C8A: variants seen among roughly 807,000 people sequenced by gnomAD.
C8A encodes complement component C8 alpha chain.
C8A carries 67 observed loss-of-function variants against 65.3 expected under a neutral mutation model. That is an observed-to-expected ratio of 1.03 (90% CI 0.84 to 1.26). The LOEUF is 1.26. Ranked by LOEUF, C8A falls within the 50% of genes most tolerant of loss-of-function variation. The pLI, the probability that C8A is intolerant of heterozygous loss-of-function variation, is 0.00. For missense variants in C8A, 781 were observed against 723.9 expected, an observed-to-expected ratio of 1.08 and a Z score of -0.90; for synonymous variants, 290 against 259.4, an observed-to-expected ratio of 1.12 and a Z score of -1.13.
At chr1:56,881,052 T>A (rs1017498281) in intron 4 of C8A, among the ~76,000 whole-genome samples, 1 of 152,202 alleles carries the variant, frequency 6.6e-6, no homozygotes, top group African/African-American at 2.4e-5. Context: ...AATAGGACTG[T>A]CTAGATGATC....
At chr1:56,872,162 C>T (rs1382689967) in intron 2 of C8A, among the ~76,000 whole-genome samples, 2 of 152,140 alleles carry the variant, frequency 1.3e-5, no homozygotes, top group African/African-American at 4.8e-5. Context: ...TTTCTTTGGA[C>T]CTTGGATAAA....
At chr1:56,862,481 A>T (rs1644044074) in intron 1 of C8A, among the ~76,000 whole-genome samples, 1 of 152,158 alleles carries the variant, frequency 6.6e-6, no homozygotes, top group Non-Finnish European at 1.5e-5. Flanking sequence ...AATCTCCAAG[A>T]ACAATATGGT....
chr1:56,917,164 A>T (rs1039420672), intron 10 of C8A, among the ~76,000 whole-genome samples: 2 of 152,108 alleles, frequency 1.3e-5, no homozygotes, highest in Non-Finnish European at 2.9e-5. Flanking sequence ...CTCCATCCAG[A>T]GTTTCAAATT....
intron 1 of C8A, among the ~76,000 whole-genome samples, chr1:56,855,662 T>A (rs2101177533): frequency 6.6e-6 from 1 of 151,796 alleles, no homozygotes; most frequent in South Asian, 2.1e-4. Flanking sequence ...ATCTTAATAT[T>A]AAGTATTTTG....
rs773482077 is a variant in C8A, at chr1:56,862,329, T to TACATAGTCTTACATAG, written c.78-5280_78-5279insACATAGTCTTACATAG. 3.4e-3 allele frequency among the ~76,000 whole-genome samples: 519 copies of TACATAGTCTTACATAG among 152,316 alleles called. 5 individuals are homozygous for TACATAGTCTTACATAG. Among genetic ancestry groups the TACATAGTCTTACATAG allele is most frequent in the Non-Finnish European group, 5.9e-3 (404 of 68,026 alleles). On this transcript the variant is annotated intron_variant, in intron 1 of 10. Coordinates refer to ENST00000361249, the MANE Select transcript of C8A (RefSeq NM_000562.3). ...AAACCTCTTTCTTTTACATCGGTGT[T>TACATAGTCTTACATAG]TCAACTGTGTTACATAGTCTTACAG...
intron 4 of C8A, among the ~76,000 whole-genome samples, chr1:56,876,871 G>A (rs1644203451): frequency 6.6e-6 from 1 of 151,914 alleles, no homozygotes; most frequent in Admixed American, 6.6e-5. Context: ...TTCCTACCTG[G>A]GTAACTCCTC....
intron 7 of C8A, among the ~76,000 whole-genome samples, chr1:56,887,516 C>T (rs1223402601): frequency 1.3e-5 from 2 of 152,140 alleles, no homozygotes; most frequent in African/African-American, 2.4e-5. Flanking sequence ...TGAGAAATGT[C>T]TGTTCATATC....
intron 7 of C8A, among the ~76,000 whole-genome samples, chr1:56,890,263 T>A (rs938462360): frequency 2.0e-5 from 3 of 152,120 alleles, no homozygotes; most frequent in Admixed American, 1.3e-4. Context: ...CTGAACCTTG[T>A]AGGGGCATCC....
In C8A at chr1:56,881,613, C is replaced by T. The variant is rs528531127; in HGVS notation, c.633C>T (p.Asn211=). ...AGAAATACTTTCGGAAACCCTACAACTTTCTGAAGTACCACTTTGAAGTAA... is the reference window on the plus strand; with the variant it reads ...AGAAATACTTTCGGAAACCCTACAATTTTCTGAAGTACCACTTTGAAGTAA... ...DDEKYFRKPY[N]FLKYHFEALA... is the part of the protein sequence containing the mutation. The change falls in exon 5 of 11, where the codon AAC becomes AAT. Residue 211 remains asparagine (N), a synonymous_variant. Coordinates refer to ENST00000361249, the MANE Select transcript of C8A (RefSeq NM_000562.3). 6.2e-7 allele frequency: 1 copy of T among 1,613,360 alleles called. No individual in the cohort carries two copies. Among genetic ancestry groups the T allele is most frequent in the African/African-American group, 1.3e-5 (1 of 75,010 alleles).
At chr1:56,911,857 G>T (rs1408220107) in intron 9 of C8A, among the ~76,000 whole-genome samples, 1 of 152,186 alleles carries the variant, frequency 6.6e-6, no homozygotes, top group Non-Finnish European at 1.5e-5. Context: ...TGCATTGAAG[G>T]CTGACATTTA....
At chr1:56,859,335 G>A (rs977161849) in intron 1 of C8A, among the ~76,000 whole-genome samples, 1 of 152,216 alleles carries the variant, frequency 6.6e-6, no homozygotes, top group Non-Finnish European at 1.5e-5. Context: ...ACAATGGTGA[G>A]CAATACAGTC....
chr1:56,890,776 ATTC>A (rs1206480225), intron 7 of C8A, among the ~76,000 whole-genome samples: 1 of 152,076 alleles, frequency 6.6e-6, no homozygotes, highest in Non-Finnish European at 1.5e-5. Flanking sequence ...GTATAGCAGT[ATTC>A]TTATCATTTG....
At chr1:56,859,357 C>T (rs1190781323) in intron 1 of C8A, among the ~76,000 whole-genome samples, 1 of 152,216 alleles carries the variant, frequency 6.6e-6, no homozygotes. Context: ...TAATCTCTGT[C>T]TTCCAGAGCT....
chr1:56,867,572 A>T (rs750444461), intron 1 of C8A, 37 bp from the exon 2 acceptor site: 1 of 1,464,658 alleles, frequency 6.8e-7, no homozygotes, highest in Non-Finnish European at 9.6e-7. Flanking sequence ...TAAATTTTGC[A>T]TCTCAAAATT....
intron 4 of C8A, among the ~76,000 whole-genome samples, chr1:56,876,455 C>T (rs1570324248): frequency 6.6e-6 from 1 of 151,786 alleles, no homozygotes; most frequent in Non-Finnish European, 1.5e-5. Context: ...CTGCTCATCT[C>T]CCTTCACCCC....
chr1:56,874,667 G>A (rs1008965433), intron 2 of C8A, among the ~76,000 whole-genome samples: 1 of 152,110 alleles, frequency 6.6e-6, no homozygotes, highest in Admixed American at 6.5e-5. Flanking sequence ...CAAGAAGAGG[G>A]AACAGAGGTT....
Position 56,886,111 on chromosome 1 carries a change from T to C in C8A, c.1040T>C (p.Met347Thr). 6 of 1,614,034 alleles carry C rather than the reference T, an allele frequency of 3.7e-6. No individual in the cohort carries two copies. The highest frequency in any genetic ancestry group is 5.1e-6 in the Non-Finnish European group (6 of 1,179,936). ...ACCCATTACATCACATCTGGATCCA[T>C]GGGTGGCATTTATGAATATATCCTG... ...YGTHYITSGS[M>T]GGIYEYILVI... Residue 347 changes from methionine to threonine, a missense_variant, in exon 7 of 11, where the codon ATG (methionine) becomes ACG (threonine). Met to Thr is a moderately conservative substitution (Grantham distance 81). Coordinates refer to ENST00000361249, the MANE Select transcript of C8A (RefSeq NM_000562.3).
At chr1:56,876,285 GA>G in intron 4 of C8A, 76 bp downstream of exon 4, 1 of 1,567,644 alleles carries the variant, frequency 6.4e-7, no homozygotes, top group Non-Finnish European at 8.8e-7. Flanking sequence ...TTTGAGGACA[GA>G]AGGGGGCCAT....
In C8A at chr1:56,888,400, G is replaced by T. The variant is rs143497263; in HGVS notation, c.1096+2233G>T. 4.8e-3 allele frequency among the ~76,000 whole-genome samples: 725 copies of T among 152,214 alleles called. 4 individuals carry two copies. Among genetic ancestry groups the T allele is most frequent in the African/African-American group, 0.017 (692 of 41,526 alleles). ...ATGTGTTTGTGCTAGGGATATGATG[G>T]TGAACAAATCTAAATATGGTTCCTA... On this transcript the variant is annotated intron_variant, in intron 7 of 10. Coordinates refer to ENST00000361249, the MANE Select transcript of C8A (RefSeq NM_000562.3).
Sources: allele counts gnomAD v4.1 joint callset (sites outside exome capture counted in the v4.1 genomes callset), GRCh38; gene constraint gnomAD v4.1.1; transcripts MANE v1.5; gene names NCBI Gene and HGNC (gene_info 2026-07-23, HGNC 2026-07-21).